The following MICU1 variants were observed in gnomAD, a reference collection of about 807,000 sequenced individuals.
The protein encoded by MICU1 is mitochondrial calcium uptake 1, also known as calcium uptake protein 1, mitochondrial.
In MICU1, 45 loss-of-function variants were observed where a neutral mutation model predicts 56.8. That is an observed-to-expected ratio of 0.79 (90% CI 0.62 to 1.02). The LOEUF is 1.02. Among genes scored for constraint, MICU1 ranks in the 50% least tolerant of loss-of-function variants. The pLI is 0.00. For missense variants in MICU1, 504 were observed against 587.1 expected (o/e 0.86, Z 1.46); for synonymous variants, 186 against 195.1 (o/e 0.95, Z 0.39).
intron 8 of MICU1, among the ~76,000 whole-genome samples, chr10:72,455,752 G>C (rs373920729): frequency 1.3e-5 from 2 of 151,972 alleles, no homozygotes; most frequent in African/African-American, 4.8e-5. Context: ...CAATACTTCT[G>C]CTACTAATGG....
rs532293138 is a variant in MICU1, at chr10:72,426,609, C to T, written c.934-3238G>A. Among the ~76,000 whole-genome samples the T allele has an allele frequency of 1.8e-4, 27 of 151,810 alleles. No homozygotes were observed. The South Asian group carries it at 5.4e-3, about 30-fold the overall frequency. ...ATGGGGGTACCCTATGTTGCCTGGG[C>T]TGTTCTCAAACCCTTGAGCTCAAGC... On this transcript the variant is annotated intron_variant, in intron 8 of 11. Coordinates refer to ENST00000361114, the MANE Select transcript of MICU1 (RefSeq NM_001195518.2).
chr10:72,531,219 C>A (rs570508698), intron 5 of MICU1, among the ~76,000 whole-genome samples: 3 of 152,006 alleles, frequency 2.0e-5, no homozygotes, highest in Non-Finnish European at 2.9e-5. Flanking sequence ...AAAAAATTAT[C>A]CATTTAAAAA....
chr10:72,455,580 T>C (rs1255905116), intron 8 of MICU1, among the ~76,000 whole-genome samples: 1 of 152,132 alleles, frequency 6.6e-6, no homozygotes, highest in East Asian at 1.9e-4. Flanking sequence ...CCCAAGTTTA[T>C]TATAAAGTAT....
intron 5 of MICU1, among the ~76,000 whole-genome samples, chr10:72,510,538 C>T (rs1282083139): frequency 6.6e-6 from 1 of 152,158 alleles, no homozygotes; most frequent in Non-Finnish European, 1.5e-5. Context: ...TTTCTAAAGC[C>T]TAAAATCCCC....
intron 1 of MICU1, among the ~76,000 whole-genome samples, chr10:72,598,179 T>C (rs1564955159): frequency 6.6e-6 from 1 of 152,160 alleles, no homozygotes; most frequent in Non-Finnish European, 1.5e-5. Context: ...AATAGAGGAA[T>C]TAACAAAACA....
chr10:72,582,330 T>C (rs1840921894), intron 1 of MICU1, among the ~76,000 whole-genome samples: 1 of 152,226 alleles, frequency 6.6e-6, no homozygotes, highest in Non-Finnish European at 1.5e-5. Flanking sequence ...CAGATCATTA[T>C]TTATTGAGCA....
At chr10:72,536,204 G>A (rs895708616) in intron 4 of MICU1, among the ~76,000 whole-genome samples, 2 of 149,728 alleles carry the variant, frequency 1.3e-5, no homozygotes, top group East Asian at 3.8e-4. Flanking sequence ...GGAAGGCACT[G>A]ACACAAAGAA....
intron 10 of MICU1, among the ~76,000 whole-genome samples, chr10:72,380,556 T>C (rs1346546816): frequency 1.3e-5 from 2 of 152,080 alleles, no homozygotes; most frequent in African/African-American, 4.8e-5. Context: ...CATACATAAA[T>C]CTATTCACCA....
At chr10:72,432,260 T>C (rs755287401) in intron 8 of MICU1, among the ~76,000 whole-genome samples, 2 of 151,914 alleles carry the variant, frequency 1.3e-5, no homozygotes, top group Non-Finnish European at 2.9e-5. Context: ...TGCCCAGCTA[T>C]GTTTCTAAAA....
intron 8 of MICU1, among the ~76,000 whole-genome samples, chr10:72,446,168 A>G (rs73279053): frequency 0.053 from 8,129 of 152,204 alleles, 747 homozygotes; most frequent in African/African-American, 0.19. Flanking sequence ...GGAGGACAAT[A>G]TTGTATGGAA....
chr10:72,522,797 A>G (rs1867861427), intron 5 of MICU1, among the ~76,000 whole-genome samples: 2 of 152,196 alleles, frequency 1.3e-5, no homozygotes, highest in African/African-American at 2.4e-5. Flanking sequence ...GTAACTGTTC[A>G]TTGACCTTTG....
intron 5 of MICU1, chr10:72,524,799 A>T: frequency 8.9e-7 from 1 of 1,117,710 alleles, no homozygotes; most frequent in South Asian, 4.6e-5. Context: ...GATTATATGA[A>T]CAAACTAATC....
chr10:72,420,123 G>A (rs375271079), intron 9 of MICU1, among the ~76,000 whole-genome samples: 7 of 152,232 alleles, frequency 4.6e-5, no homozygotes, highest in African/African-American at 9.6e-5. Flanking sequence ...GCAATGGCGC[G>A]ATCTCGGCTC....
At chr10:72,472,695 G>A (rs1374961364) in intron 8 of MICU1, among the ~76,000 whole-genome samples, 3 of 152,192 alleles carry the variant, frequency 2.0e-5, no homozygotes, top group Non-Finnish European at 4.4e-5. Context: ...TCTTCACTAG[G>A]TTCTAGGAAA....
At chr10:72,585,617 C>T (rs1311441225) in intron 1 of MICU1, among the ~76,000 whole-genome samples, 1 of 151,614 alleles carries the variant, frequency 6.6e-6, no homozygotes, top group Non-Finnish European at 1.5e-5. Flanking sequence ...ATCACTTGAA[C>T]CAGTGCACTC....
rs1281453414 is a variant in MICU1 at position 72,477,248 on chromosome 10, T to C, written c.661A>G (p.Arg221Gly). The C allele has an allele frequency of 6.5e-7, 1 of 1,546,832 alleles. No individual in the cohort carries two copies. The highest frequency in any genetic ancestry group is 8.7e-7 in the Non-Finnish European group (1 of 1,145,968). The stretch of plus-strand genomic sequence containing the variant: ...ATCTTGAAGGCAATTTCAAAATTTC[T>C]CTGAGGAGCTGCAGAGGAGAGAAAA... ...FLTTVLSTPQ[R>G]NFEIAFKMFD... The change falls in exon 7 of 12, where the codon AGA (arginine) becomes GGA (glycine). Residue 221 changes from arginine to glycine, a missense_variant. Arg to Gly is a moderately radical substitution (Grantham distance 125, BLOSUM62 -2). Coordinates refer to ENST00000361114, the MANE Select transcript of MICU1 (RefSeq NM_001195518.2).
chr10:72,615,378 A>G (rs1841951816), intron 1 of MICU1, among the ~76,000 whole-genome samples: 1 of 152,122 alleles, frequency 6.6e-6, no homozygotes, highest in South Asian at 2.1e-4. Context: ...TTGGCCTCCC[A>G]AAGTGCTGGG....
chr10:72,487,125 G>T (rs1391269441), intron 6 of MICU1, among the ~76,000 whole-genome samples: 2 of 152,082 alleles, frequency 1.3e-5, no homozygotes, highest in Non-Finnish European at 2.9e-5. Context: ...TTTTAGGAAG[G>T]GATGAGACGA....
rs114341304 is a variant in MICU1, at chr10:72,557,806, A to G, written c.330+5089T>C. On this transcript the variant is annotated intron_variant, in intron 3 of 11. Coordinates refer to ENST00000361114, the MANE Select transcript of MICU1 (RefSeq NM_001195518.2). ...TACTATGGCACACAGAAAATGCTCAATAGTTTCCTTCCATTTTTCTATTCA... is the reference window on the plus strand; with the variant it reads ...TACTATGGCACACAGAAAATGCTCAGTAGTTTCCTTCCATTTTTCTATTCA... 2.0e-3 allele frequency among the ~76,000 whole-genome samples: 306 copies of G among 152,348 alleles called. 2 individuals are homozygous for G. The highest frequency in any genetic ancestry group is 7.1e-3 in the African/African-American group (296 of 41,578).
Sources: allele counts gnomAD v4.1 joint callset (sites outside exome capture counted in the v4.1 genomes callset), GRCh38; gene constraint gnomAD v4.1.1; transcripts MANE v1.5; gene names NCBI Gene and HGNC (gene_info 2026-07-23, HGNC 2026-07-21).